The following EDDM13 variants were observed in gnomAD, a reference collection of about 807,000 sequenced individuals.
EDDM13 encodes the protein epididymal protein 13.
A neutral mutation model predicts 17.8 loss-of-function variants in EDDM13; 24 were observed. That is an observed-to-expected ratio of 1.35 (90% CI 0.98 to 1.90). EDDM13 has a LOEUF of 1.90. EDDM13 is among the 40% of genes most tolerant of loss of function. EDDM13 has a pLI of 0.00. For missense variants in EDDM13, 97 were observed against 100.8 expected (o/e 0.96, Z 0.16); for synonymous variants, 31 against 37.5 (o/e 0.83, Z 0.63).
At chr19:56,280,322 A>G (rs558001115) in intron 2 of EDDM13, among the ~76,000 whole-genome samples, 4 of 152,306 alleles carry the variant, frequency 2.6e-5, no homozygotes, top group Admixed American at 2.6e-4. Flanking sequence ...CTTGTATGGA[A>G]GTCCACAATT....
intron 8 of EDDM13, among the ~76,000 whole-genome samples, chr19:56,290,398 A>G (rs2039432716): frequency 6.6e-6 from 1 of 152,216 alleles, no homozygotes; most frequent in African/African-American, 2.4e-5. Context: ...CAAAGCCTAC[A>G]CTATTTACTG....
chr19:56,302,423 CCTTT>C, intron 13 of EDDM13, among the ~76,000 whole-genome samples: 1 of 139,740 alleles, frequency 7.2e-6, no homozygotes, highest in African/African-American at 2.8e-5. Flanking sequence ...TTCATCCCTC[CCTTT>C]CTCCCTTCCT....
intron 13 of EDDM13, among the ~76,000 whole-genome samples, chr19:56,303,613 C>T (rs2040488980): frequency 6.6e-6 from 1 of 151,998 alleles, no homozygotes; most frequent in South Asian, 2.1e-4. Context: ...CAAATATTCA[C>T]GTGTGTAGAG....
chr19:56,284,635 C>T (rs2038968931), intron 5 of EDDM13, among the ~76,000 whole-genome samples: 2 of 151,442 alleles, frequency 1.3e-5, no homozygotes, highest in South Asian at 2.1e-4. Context: ...CAACCTCAGC[C>T]TCCTGAGTAG....
chr19:56,273,213 A>T, intron 1 of EDDM13, among the ~76,000 whole-genome samples: 1 of 152,224 alleles, frequency 6.6e-6, no homozygotes, highest in Non-Finnish European at 1.5e-5. Flanking sequence ...AACGGGGCTC[A>T]CAAGAATCCC....
At chr19:56,297,828 G>T (rs2039977665) in intron 12 of EDDM13, 1 of 152,236 alleles carries the variant, frequency 6.6e-6, no homozygotes, top group African/African-American at 2.4e-5. Context: ...AAATTACCAA[G>T]CTAAGTCCTG....
intron 9 of EDDM13, chr19:56,295,210 A>T (rs184592404): frequency 6.6e-6 from 1 of 152,204 alleles, no homozygotes; most frequent in African/African-American, 2.4e-5. Context: ...TTATTAAAAA[A>T]CAAAGTTCAG....
chr19:56,299,281 G>A (rs2040077543), intron 12 of EDDM13, among the ~76,000 whole-genome samples: 1 of 151,802 alleles, frequency 6.6e-6, no homozygotes, highest in African/African-American at 2.4e-5. Context: ...ACAGGCACGA[G>A]ACACCACACC....
chr19:56,302,728 T>G (rs1350761375), intron 13 of EDDM13: 7 of 170,086 alleles, frequency 4.1e-5, no homozygotes, highest in African/African-American at 1.9e-4. Context: ...CCCTCCCACC[T>G]CTAGACTGGG....
intron 13 of EDDM13, among the ~76,000 whole-genome samples, 163 bp downstream of exon 13, chr19:56,302,258 C>T (rs922009745): frequency 2.0e-4 from 30 of 151,956 alleles, no homozygotes; most frequent in Admixed American, 1.1e-3. Flanking sequence ...CTCTCCCACC[C>T]GCCTCCATCT....
At chr19:56,294,929 G>A (rs1160789529) in intron 9 of EDDM13, 1 of 152,294 alleles carries the variant, frequency 6.6e-6, no homozygotes, top group African/African-American at 2.4e-5. Flanking sequence ...CAGCAGGCAA[G>A]TCCACAGATA....
At chr19:56,302,697 C>G in intron 13 of EDDM13, 1 of 225,322 alleles carries the variant, frequency 4.4e-6, no homozygotes, top group East Asian at 6.8e-5. Flanking sequence ...CTCTCTCCTT[C>G]CTTCTCTTTC....
chr19:56,285,983 G>A (rs1222173313), intron 6 of EDDM13, among the ~76,000 whole-genome samples: 1 of 152,148 alleles, frequency 6.6e-6, no homozygotes, highest in Non-Finnish European at 1.5e-5. Flanking sequence ...GGGGATGCTT[G>A]TTTCCCCACA....
intron 13 of EDDM13, among the ~76,000 whole-genome samples, 174 bp from the exon 14 acceptor site, chr19:56,304,619 C>T (rs1260640560): frequency 2.0e-5 from 3 of 151,336 alleles, no homozygotes; most frequent in Non-Finnish European, 2.9e-5. Flanking sequence ...TGGTGAGAGG[C>T]GGGCTGAATA....
intron 13 of EDDM13, among the ~76,000 whole-genome samples, chr19:56,302,340 T>C (rs1212076095): frequency 3.1e-5 from 4 of 129,428 alleles, no homozygotes; most frequent in East Asian, 2.8e-4. Context: ...CCTCCTTCCC[T>C]TTCCTCTTCC....
At chr19:56,281,752 G>C in intron 3 of EDDM13, 54 bp downstream of exon 3, 10 of 971,496 alleles carry the variant, frequency 1.0e-5, no homozygotes, top group Non-Finnish European at 1.2e-5. Flanking sequence ...CTTCAACCTA[G>C]AGAAGGAAGG....
At chr19:56,300,479 A>G (rs1030469032) in intron 12 of EDDM13, among the ~76,000 whole-genome samples, 1 of 152,214 alleles carries the variant, frequency 6.6e-6, no homozygotes, top group East Asian at 1.9e-4. Flanking sequence ...TGAGGTGCCC[A>G]CCAAAGTTAG....
intron 9 of EDDM13, among the ~76,000 whole-genome samples, chr19:56,292,706 A>G (rs1415267608): frequency 6.6e-6 from 1 of 152,064 alleles, no homozygotes; most frequent in Non-Finnish European, 1.5e-5. Flanking sequence ...GTACCCATTA[A>G]ACAGTCAGTC....
At position 56,296,760 on chromosome 19, in the gene EDDM13, ATGGTGGCTCATGCC is replaced by A. The variant is rs570992999; in HGVS notation, c.268+401_268+414del. On this transcript the variant is annotated intron_variant, in intron 11 of 14. Coordinates refer to ENST00000649256, the MANE Select transcript of EDDM13 (RefSeq NM_001354658.2). Reference sequence around the variant, plus strand: ...GGAAACTTAAGTTTTTTGGCTGGGCATGGTGGCTCATGCCTGTAATCCCAGCACTTTGGGAGGCC... The same window carrying A: ...GGAAACTTAAGTTTTTTGGCTGGGCATGTAATCCCAGCACTTTGGGAGGCC... 1.7e-4 allele frequency among the ~76,000 whole-genome samples: 26 copies of A among 152,140 alleles called. No individual in the cohort carries two copies. In the South Asian group the frequency reaches 5.4e-3, roughly 31 times the overall value.
Sources: allele counts gnomAD v4.1 joint callset (sites outside exome capture counted in the v4.1 genomes callset), GRCh38; gene constraint gnomAD v4.1.1; transcripts MANE v1.5; gene names NCBI Gene and HGNC (gene_info 2026-07-23, HGNC 2026-07-21).